MAML3: variants seen among roughly 807,000 people sequenced by gnomAD.
MAML3 encodes the protein mastermind like transcriptional coactivator 3.
In MAML3, 27 loss-of-function variants were observed where a neutral mutation model predicts 101.9. The ratio of observed to expected loss-of-function variants is 0.27; its 90% CI spans 0.20 to 0.37. MAML3 has a LOEUF of 0.37. MAML3 is among the 10% of genes least tolerant of loss of function. The pLI is 1.00. For synonymous variants in MAML3, 501 were observed against 555.9 expected, an observed-to-expected ratio of 0.90 and a Z score of 1.39; for missense variants, 1,316 against 1,444.9, an observed-to-expected ratio of 0.91 and a Z score of 1.45.
At chr4:139,942,899 C>G (rs1225956442) in intron 1 of MAML3, among the ~76,000 whole-genome samples, 1 of 152,156 alleles carries the variant, frequency 6.6e-6, no homozygotes, top group Non-Finnish European at 1.5e-5. Context: ...ATTTTCTGCT[C>G]TGTTCTATTA....
intron 2 of MAML3, among the ~76,000 whole-genome samples, chr4:139,852,947 G>C (rs1327170861): frequency 2.0e-5 from 3 of 152,158 alleles, no homozygotes; most frequent in African/African-American, 7.2e-5. Flanking sequence ...ATGGGCCTCA[G>C]TTCTCTTATT....
intron 2 of MAML3, among the ~76,000 whole-genome samples, chr4:139,839,099 A>G (rs1031401539): frequency 6.6e-6 from 1 of 152,198 alleles, no homozygotes; most frequent in African/African-American, 2.4e-5. Context: ...TGGCTTGCAC[A>G]TCTGCAAGTC....
intron 2 of MAML3, among the ~76,000 whole-genome samples, chr4:139,777,884 C>A (rs1006875823): frequency 1.3e-5 from 2 of 152,222 alleles, no homozygotes; most frequent in Non-Finnish European, 2.9e-5. Flanking sequence ...GCCACATTGA[C>A]CTTCTTGCTG....
intron 2 of MAML3, among the ~76,000 whole-genome samples, chr4:139,823,660 CT>C (rs1731013724): frequency 6.6e-6 from 1 of 151,930 alleles, no homozygotes; most frequent in Non-Finnish European, 1.5e-5. Flanking sequence ...TCACCCCGCT[CT>C]GCTTTTTCTT....
At chr4:139,873,654 G>C (rs962970339) in intron 2 of MAML3, among the ~76,000 whole-genome samples, 2 of 152,200 alleles carry the variant, frequency 1.3e-5, no homozygotes, top group Non-Finnish European at 2.9e-5. Flanking sequence ...CATGTCATGA[G>C]AAAACTTAAG....
At chr4:139,800,172 G>A (rs1025172525) in intron 2 of MAML3, among the ~76,000 whole-genome samples, 8 of 151,852 alleles carry the variant, frequency 5.3e-5, no homozygotes, top group South Asian at 2.1e-4. Flanking sequence ...AAAATGTTAC[G>A]TGCATCAACC....
intron 1 of MAML3, among the ~76,000 whole-genome samples, chr4:140,037,190 C>T (rs1727000431): frequency 6.6e-6 from 1 of 150,920 alleles, no homozygotes; most frequent in African/African-American, 2.4e-5. Flanking sequence ...AAACCTGAAG[C>T]TCAAGACTGT....
intron 1 of MAML3, among the ~76,000 whole-genome samples, chr4:140,078,043 A>ATAAATAAG (rs1374144553): frequency 4.6e-5 from 7 of 151,772 alleles, no homozygotes; most frequent in Non-Finnish European, 8.8e-5. Flanking sequence ...AAATAAATAA[A>ATAAATAAG]TAAATAAATA....
intron 2 of MAML3, among the ~76,000 whole-genome samples, chr4:139,850,201 A>G (rs996880445): frequency 6.6e-6 from 1 of 152,248 alleles, no homozygotes; most frequent in Non-Finnish European, 1.5e-5. Flanking sequence ...CTAAGTTTCT[A>G]TATCATTTTG....
chr4:140,109,182 G>C lies in MAML3; in HGVS notation c.468+43678C>G, dbSNP rs566158081. Among the ~76,000 whole-genome samples the C allele has an allele frequency of 9.2e-5, 14 of 152,260 alleles. 1 individual carries two copies. The highest frequency in any genetic ancestry group is 2.6e-4 in the African/African-American group (11 of 41,546). On this transcript the variant is annotated intron_variant, in intron 1 of 4. Coordinates refer to ENST00000509479, the MANE Select transcript of MAML3 (RefSeq NM_018717.5). Reference sequence around the variant, plus strand: ...AAAGAGAGAAGAAAAAAAGAGGAAAGGGGAGGTGTGATAACTATGCTTGAC... The same window carrying C: ...AAAGAGAGAAGAAAAAAAGAGGAAACGGGAGGTGTGATAACTATGCTTGAC...
intron 1 of MAML3, among the ~76,000 whole-genome samples, chr4:140,009,384 G>A (rs2048383): frequency 0.99 from 150,215 of 152,330 alleles, 74,102 homozygotes; most frequent in Middle Eastern, 1. Context: ...AGATGTTCCC[G>A]ATCCTGACCC....
At chr4:140,053,078 A>C (rs770140258) in intron 1 of MAML3, among the ~76,000 whole-genome samples, 4 of 152,100 alleles carry the variant, frequency 2.6e-5, no homozygotes, top group Non-Finnish European at 5.9e-5. Flanking sequence ...CAAAACCTAA[A>C]AGTGTATTAA....
chr4:140,117,217 A>C (rs549762378), intron 1 of MAML3, among the ~76,000 whole-genome samples: 73 of 152,294 alleles, frequency 4.8e-4, no homozygotes, highest in African/African-American at 1.3e-3. Flanking sequence ...TATTTACTAT[A>C]ACCCAAAGCA....
intron 1 of MAML3, among the ~76,000 whole-genome samples, chr4:140,045,300 C>G (rs372259241): frequency 6.7e-6 from 1 of 149,148 alleles, no homozygotes; most frequent in South Asian, 2.1e-4. Context: ...GAGGCTGAGG[C>G]AGGAGAATCG....
intron 2 of MAML3, among the ~76,000 whole-genome samples, chr4:139,805,941 A>G (rs1408425898): frequency 6.6e-6 from 1 of 152,196 alleles, no homozygotes; most frequent in Non-Finnish European, 1.5e-5. Context: ...ATATGGGGAA[A>G]GGAAAGATTA....
intron 2 of MAML3, 165 bp from the exon 3 acceptor site, chr4:139,730,832 GACC>G (rs1397744063): frequency 1.6e-6 from 1 of 634,844 alleles, no homozygotes; most frequent in African/African-American, 1.8e-5. Context: ...CTTCAAACCC[GACC>G]TTACCTGAGT....
chr4:140,013,563 A>C (rs1487127722), intron 1 of MAML3, among the ~76,000 whole-genome samples: 1 of 152,192 alleles, frequency 6.6e-6, no homozygotes, highest in African/African-American at 2.4e-5. Flanking sequence ...TTTTTCTAAG[A>C]GTCTTAAATG....
chr4:140,139,949 G>T lies in MAML3; in HGVS notation c.468+12911C>A, dbSNP rs570818345. Among the ~76,000 whole-genome samples, 3 of 152,338 alleles carry T rather than the reference G, an allele frequency of 2.0e-5. No homozygotes were observed. The South Asian group carries it at 6.2e-4, about 32-fold the overall frequency. ...TAAGATGGCACTCCTCAGAGGGACA[G>T]TAGAGTAGCTAAACTAAAGAATTAA... On this transcript the variant is annotated intron_variant, in intron 1 of 4. Coordinates refer to ENST00000509479, the MANE Select transcript of MAML3 (RefSeq NM_018717.5).
intron 2 of MAML3, among the ~76,000 whole-genome samples, chr4:139,835,834 C>G (rs1260029806): frequency 6.6e-6 from 1 of 152,162 alleles, no homozygotes; most frequent in Non-Finnish European, 1.5e-5. Flanking sequence ...CATGAAGGAA[C>G]TGATTGTGGC....
Sources: gnomAD v4.1 joint callset for allele counts (sites outside exome capture counted in the v4.1 genomes callset) on GRCh38, gnomAD v4.1.1 for gene constraint, MANE v1.5 for transcripts, NCBI Gene and HGNC (gene_info 2026-07-23, HGNC 2026-07-21) for gene names.